DOCK10: variants seen among roughly 807,000 people sequenced by gnomAD.
DOCK10 encodes dedicator of cytokinesis protein 10.
A neutral mutation model predicts 280.1 loss-of-function variants in DOCK10; 145 were observed. That is an observed-to-expected ratio of 0.52 (90% CI 0.45 to 0.59). The LOEUF is 0.59. Among genes scored for constraint, DOCK10 ranks in the 20% least tolerant of loss-of-function variants. The probability of loss-of-function intolerance (pLI) is 0.00; values close to 1 mark genes in which losing one functional copy is unlikely to be tolerated. For synonymous variants in DOCK10, 915 were observed against 942.2 expected, an observed-to-expected ratio of 0.97 and a Z score of 0.53; for missense variants, 2,368 against 2,651.7, an observed-to-expected ratio of 0.89 and a Z score of 2.35.
In DOCK10 at chr2:224,874,102, T is replaced by G; in HGVS notation, c.1151A>C (p.Lys384Thr). Residue 384 changes from lysine (K) to threonine (T), a missense_variant, in exon 11 of 56, where the codon AAA becomes ACA. Lys to Thr is a moderately conservative substitution (Grantham distance 78). Around this residue, in one of 2 missense-constraint regions of DOCK10, gnomAD observed 1,209 missense variants for 1,250.9 expected, o/e 0.97. Coordinates refer to ENST00000258390, the MANE Select transcript of DOCK10 (RefSeq NM_014689.3). ...KDLLEPESVI[K>T]PFEEKAAKRI... ...CTTGGCAGCTTTTTCTTCAAATGGT[T>G]TGATCACAGACTCAGGTTCCAAGAG... 6.2e-7 allele frequency: 1 copy of G among 1,610,732 alleles called. No individual in the cohort carries two copies. The highest frequency in any genetic ancestry group is 8.5e-7 in the Non-Finnish European group (1 of 1,178,246).
chr2:224,967,503 G>A (rs1393988855), intron 1 of DOCK10, among the ~76,000 whole-genome samples: 1 of 152,142 alleles, frequency 6.6e-6, no homozygotes, highest in East Asian at 1.9e-4. Flanking sequence ...CAACCCCAAA[G>A]TATGATTTTA....
chr2:224,780,898 T>TA (rs57957604), intron 50 of DOCK10, among the ~76,000 whole-genome samples: 50,780 of 144,516 alleles, frequency 0.35, 9,555 homozygotes, highest in East Asian at 0.77. Context: ...AGACTCTGTC[T>TA]AAAAAAAAAA....
intron 38 of DOCK10, 28 bp downstream of exon 38, chr2:224,804,766 T>C (rs1215001371): frequency 7.1e-6 from 10 of 1,409,806 alleles, no homozygotes; most frequent in Non-Finnish European, 9.6e-6. Context: ...AAAGACCAGA[T>C]TAACCTATTG....
intron 40 of DOCK10, among the ~76,000 whole-genome samples, chr2:224,800,964 G>T (rs1692947322): frequency 6.6e-6 from 1 of 152,080 alleles, no homozygotes; most frequent in Non-Finnish European, 1.5e-5. Context: ...CAGGTTATAG[G>T]TGTATTCAAA....
intron 1 of DOCK10, among the ~76,000 whole-genome samples, chr2:224,988,795 A>G (rs1381395572): frequency 6.6e-6 from 1 of 152,196 alleles, no homozygotes; most frequent in Non-Finnish European, 1.5e-5. Flanking sequence ...TGAATTTGAT[A>G]AACGAATTTT....
At chr2:225,015,796 G>A (rs1413268344) in intron 1 of DOCK10, among the ~76,000 whole-genome samples, 1 of 152,128 alleles carries the variant, frequency 6.6e-6, no homozygotes, top group Admixed American at 6.5e-5. Flanking sequence ...TGAGATGTGT[G>A]TCCTGATTAT....
At chr2:224,851,717 C>G (rs1307305889) in intron 18 of DOCK10, among the ~76,000 whole-genome samples, 1 of 151,988 alleles carries the variant, frequency 6.6e-6, no homozygotes, top group Non-Finnish European at 1.5e-5. Context: ...ATAATTTCCC[C>G]CTCATTTTTT....
At chr2:224,899,697 A>G (rs1022950509) in intron 3 of DOCK10, among the ~76,000 whole-genome samples, 3 of 152,014 alleles carry the variant, frequency 2.0e-5, no homozygotes, top group Non-Finnish European at 4.4e-5. Context: ...GATATTATAG[A>G]AAAAAAATGC....
rs1692629326 is a variant in DOCK10 at position 224,797,055 on chromosome 2, G to A, written c.4736C>T (p.Thr1579Ile). 1 of 1,613,556 alleles carries A rather than the reference G, an allele frequency of 6.2e-7. No individual in the cohort carries two copies. Among genetic ancestry groups the A allele is most frequent in the East Asian group, 2.2e-5 (1 of 44,892 alleles). The stretch of plus-strand genomic sequence containing the variant: ...CAGAAGGGCTGAGGCTTCTGTCTGA[G>A]TTGACCGTGACCTGTGGTTACAGCA... ...LKCCNHRSRS[T>I]QTEASALLYF... The change falls in exon 43 of 56, where the codon ACT becomes ATT. Residue 1579 changes from threonine to isoleucine, a missense_variant. Thr to Ile is a moderately conservative substitution (Grantham distance 89). Transcript: ENST00000258390.
chr2:224,781,355 G>A (rs922406981), intron 50 of DOCK10, among the ~76,000 whole-genome samples: 3 of 152,172 alleles, frequency 2.0e-5, no homozygotes, highest in Admixed American at 6.5e-5. Context: ...GAAGGAGATG[G>A]AGGAGCAGAA....
At chr2:224,917,462 A>G (rs1325243915) in intron 2 of DOCK10, among the ~76,000 whole-genome samples, 2 of 152,114 alleles carry the variant, frequency 1.3e-5, no homozygotes, top group African/African-American at 4.8e-5. Context: ...ATAATATCGT[A>G]AATAATCTCA....
chr2:224,796,963 CTTGTAAGT>C lies in DOCK10; in HGVS notation c.4820_4827del (p.His1607ProfsTer28). The C allele has an allele frequency of 6.2e-7, 1 of 1,611,698 alleles. No individual in the cohort carries two copies. Among genetic ancestry groups the C allele is most frequent in the East Asian group, 2.2e-5 (1 of 44,850 alleles). On this transcript the variant is annotated frameshift_variant and splice_region_variant, in exon 43 of 56. Transcript: ENST00000258390. LOFTEE classifies it high-confidence loss of function. ...CATTAATGAAAATTGGCAGCACTTA[CTTGTAAGT>C]GGGACCGGACAATTGACTTCTGCTT...
At chr2:224,943,648 T>A (rs573176744) in intron 1 of DOCK10, among the ~76,000 whole-genome samples, 1 of 152,304 alleles carries the variant, frequency 6.6e-6, no homozygotes, top group South Asian at 2.1e-4. Flanking sequence ...TTAGGTCTCA[T>A]CTTTATTTGT....
At chr2:224,813,477 T>A (rs1384714092) in intron 31 of DOCK10, among the ~76,000 whole-genome samples, 1 of 152,166 alleles carries the variant, frequency 6.6e-6, no homozygotes, top group Non-Finnish European at 1.5e-5. Context: ...ATTACAGGCA[T>A]GATCCACCGC....
Position 224,885,765 on chromosome 2 carries a change from TC to T in DOCK10, c.652del (p.Asp218IlefsTer6). 6.2e-7 allele frequency: 1 copy of T among 1,613,676 alleles called. No homozygotes were observed. ...KRYFQLTQLP[D>X]NSYIMNFYKD... ...GTAAAAGTTCATAATGTAGGAGTTA[TC>T]TGGTAACTGAGTCAGCTGGAAGTAG... is the stretch of plus-strand genomic sequence containing the variant. On this transcript the variant is annotated frameshift_variant, in exon 7 of 56. Coordinates refer to ENST00000258390, the MANE Select transcript of DOCK10 (RefSeq NM_014689.3). LOFTEE classifies it high-confidence loss of function.
chr2:224,819,849 C>A (rs1315669535), intron 28 of DOCK10, among the ~76,000 whole-genome samples: 1 of 152,016 alleles, frequency 6.6e-6, no homozygotes, highest in Non-Finnish European at 1.5e-5. Context: ...ACAAAAATAT[C>A]AATCAGAAAG....
At chr2:224,908,444 T>A (rs1313648375) in intron 3 of DOCK10, among the ~76,000 whole-genome samples, 1 of 151,602 alleles carries the variant, frequency 6.6e-6, no homozygotes, top group Non-Finnish European at 1.5e-5. Context: ...TGTGTGTGTG[T>A]GTGTGTGTAC....
chr2:224,776,251 A>G (rs1690856227), intron 51 of DOCK10, among the ~76,000 whole-genome samples: 1 of 152,122 alleles, frequency 6.6e-6, no homozygotes. Context: ...GGACCTCCTG[A>G]ATTTATTTTG....
At chr2:224,785,856 C>T (rs1691698614) in intron 50 of DOCK10, among the ~76,000 whole-genome samples, 1 of 152,128 alleles carries the variant, frequency 6.6e-6, no homozygotes, top group Non-Finnish European at 1.5e-5. Flanking sequence ...GGGGATTGAC[C>T]TAGAATGAAC....
Sources: gnomAD v4.1 joint callset for allele counts (sites outside exome capture counted in the v4.1 genomes callset) on GRCh38, gnomAD v4.1.1 for gene constraint, gnomAD v4.1.1 regional missense constraint, MANE v1.5 for transcripts, NCBI Gene and HGNC (gene_info 2026-07-23, HGNC 2026-07-21) for gene names.